The following STXBP5L variants were observed in gnomAD, a reference collection of about 807,000 sequenced individuals.
STXBP5L encodes syntaxin binding protein 5L.
In STXBP5L, 65 loss-of-function variants were observed where a neutral mutation model predicts 144.5. The ratio of observed to expected loss-of-function variants is 0.45; its 90% CI spans 0.37 to 0.55. The LOEUF is 0.55. Ranked by LOEUF, STXBP5L falls within the 20% of genes least tolerant of loss-of-function variation. STXBP5L has a pLI of 0.00. For missense variants in STXBP5L, 1,298 were observed against 1,405.5 expected (o/e 0.92, Z 1.22); for synonymous variants, 505 against 469.6 (o/e 1.08, Z -0.97).
chr3:120,959,834 C>G (rs991850047), intron 3 of STXBP5L, among the ~76,000 whole-genome samples: 1 of 152,010 alleles, frequency 6.6e-6, no homozygotes, highest in Non-Finnish European at 1.5e-5. Flanking sequence ...CCATTCAGGA[C>G]ATAGGCATGG....
chr3:121,349,799 T>C (rs534571997), intron 20 of STXBP5L, among the ~76,000 whole-genome samples: 1 of 152,206 alleles, frequency 6.6e-6, no homozygotes, highest in East Asian at 1.9e-4. Context: ...TTTTTTGTTT[T>C]CCATTTGCTT....
intron 5 of STXBP5L, among the ~76,000 whole-genome samples, chr3:121,046,050 G>T (rs755939072): frequency 6.6e-6 from 1 of 152,036 alleles, no homozygotes; most frequent in South Asian, 2.1e-4. Flanking sequence ...TTAATGTCTA[G>T]TTTGTTGAGG....
chr3:120,980,396 T>C (rs1559946704), intron 3 of STXBP5L, among the ~76,000 whole-genome samples: 1 of 152,136 alleles, frequency 6.6e-6, no homozygotes, highest in East Asian at 1.9e-4. Context: ...ATGGGTGCTC[T>C]ATGTATATAG....
intron 14 of STXBP5L, among the ~76,000 whole-genome samples, chr3:121,245,616 A>G (rs969889395): frequency 6.6e-6 from 1 of 152,162 alleles, no homozygotes; most frequent in Non-Finnish European, 1.5e-5. Flanking sequence ...AAGATGTACC[A>G]TGCAAATTGT....
At chr3:121,224,847 G>A (rs2049072770) in intron 11 of STXBP5L, among the ~76,000 whole-genome samples, 1 of 152,086 alleles carries the variant, frequency 6.6e-6, no homozygotes, top group South Asian at 2.1e-4. Flanking sequence ...ACCAACAGCT[G>A]AGCTTAGGAA....
At chr3:120,936,605 C>T (rs1710275122) in intron 2 of STXBP5L, among the ~76,000 whole-genome samples, 1 of 151,596 alleles carries the variant, frequency 6.6e-6, no homozygotes, top group Non-Finnish European at 1.5e-5. Flanking sequence ...TAAATAAAGT[C>T]TGATACATGC....
chr3:121,340,622 G>T (rs2108580875), intron 20 of STXBP5L, among the ~76,000 whole-genome samples: 1 of 152,084 alleles, frequency 6.6e-6, no homozygotes, highest in East Asian at 1.9e-4. Flanking sequence ...TAGAATGATG[G>T]TTTTCAACTT....
At chr3:121,190,591 G>A (rs181338961) in intron 9 of STXBP5L, among the ~76,000 whole-genome samples, 210 of 152,134 alleles carry the variant, frequency 1.4e-3, no homozygotes, top group East Asian at 9.5e-3. Context: ...ATGGGGTGGC[G>A]GCCGGGCACA....
chr3:121,077,952 C>T (rs2042091872), intron 5 of STXBP5L, among the ~76,000 whole-genome samples: 1 of 151,192 alleles, frequency 6.6e-6, no homozygotes, highest in South Asian at 2.1e-4. Flanking sequence ...AAAGATTCTC[C>T]AAGTCCCCAC....
At chr3:120,999,972 A>C (rs1943641880) in intron 3 of STXBP5L, among the ~76,000 whole-genome samples, 1 of 152,160 alleles carries the variant, frequency 6.6e-6, no homozygotes, top group African/African-American at 2.4e-5. Flanking sequence ...TTCTGCTGAA[A>C]GTTCTGCTGT....
At chr3:121,275,241 C>T (rs1290197323) in intron 18 of STXBP5L, among the ~76,000 whole-genome samples, 2 of 151,964 alleles carry the variant, frequency 1.3e-5, no homozygotes, top group African/African-American at 4.8e-5. Flanking sequence ...TTATACTTCT[C>T]TATATATTTT....
intron 5 of STXBP5L, among the ~76,000 whole-genome samples, chr3:121,067,082 T>C (rs2041585542): frequency 6.6e-6 from 1 of 152,076 alleles, no homozygotes; most frequent in Non-Finnish European, 1.5e-5. Flanking sequence ...ATAAGTCTTC[T>C]GGAGATTTAT....
intron 20 of STXBP5L, among the ~76,000 whole-genome samples, chr3:121,349,073 CTGCTTTCT>C (rs1278533998): frequency 6.6e-6 from 1 of 151,908 alleles, no homozygotes; most frequent in African/African-American, 2.4e-5. Context: ...TAGATATTTC[CTGCTTTCT>C]CTTGTGGGCA....
At chr3:121,206,707 G>T (rs867724472) in intron 10 of STXBP5L, among the ~76,000 whole-genome samples, 4 of 152,072 alleles carry the variant, frequency 2.6e-5, no homozygotes. Flanking sequence ...CCAGCTACTT[G>T]GGAGGCTGAG....
chr3:121,282,210 T>G, intron 19 of STXBP5L: 1 of 1,568,546 alleles, frequency 6.4e-7, no homozygotes, highest in Non-Finnish European at 8.8e-7. Context: ...ACTTTAGACT[T>G]TTTTTTCTCT....
chr3:121,189,468 T>G (rs946589755), intron 9 of STXBP5L, among the ~76,000 whole-genome samples: 1 of 152,246 alleles, frequency 6.6e-6, no homozygotes, highest in Non-Finnish European at 1.5e-5. Context: ...GCACCATTTA[T>G]TAAACAGGGA....
intron 21 of STXBP5L, among the ~76,000 whole-genome samples, 184 bp downstream of exon 21, chr3:121,379,070 C>T (rs1576321852): frequency 6.6e-6 from 1 of 152,236 alleles, no homozygotes; most frequent in African/African-American, 2.4e-5. Context: ...CCACCTCCTT[C>T]CTCACCTCTA....
intron 5 of STXBP5L, among the ~76,000 whole-genome samples, chr3:121,098,346 G>T (rs1366700823): frequency 2.0e-5 from 3 of 152,168 alleles, no homozygotes; most frequent in African/African-American, 7.2e-5. Context: ...TGGTTAGACA[G>T]GGAGCAAGAG....
intron 23 of STXBP5L, 157 bp downstream of exon 23, chr3:121,407,760 A>G: frequency 9.2e-7 from 1 of 1,085,392 alleles, no homozygotes; most frequent in East Asian, 2.7e-5. Flanking sequence ...CGATTTGATG[A>G]GAGTTTGGGG....
Sources: gnomAD v4.1 joint callset for allele counts (sites outside exome capture counted in the v4.1 genomes callset) on GRCh38, gnomAD v4.1.1 for gene constraint, MANE v1.5 for transcripts, NCBI Gene and HGNC (gene_info 2026-07-23, HGNC 2026-07-21) for gene names.